The following AGMO variants were observed in gnomAD, a reference collection of about 807,000 sequenced individuals.
The protein encoded by AGMO is alkylglycerol monooxygenase.
A neutral mutation model predicts 60.2 loss-of-function variants in AGMO; 75 were observed. The observed-to-expected ratio is 1.25, with a 90% CI of 1.03 to 1.51. AGMO has a LOEUF of 1.51. AGMO is among the 40% of genes most tolerant of loss of function. The pLI is 0.00. For missense variants in AGMO, 763 were observed against 525.5 expected, an observed-to-expected ratio of 1.45 and a Z score of -4.42; for synonymous variants, 261 against 177.1, an observed-to-expected ratio of 1.47 and a Z score of -3.76.
chr7:15,235,481 CAG>C (rs1782389920), intron 12 of AGMO, among the ~76,000 whole-genome samples: 1 of 152,186 alleles, frequency 6.6e-6, no homozygotes, highest in East Asian at 1.9e-4. Flanking sequence ...AAGTTTGATT[CAG>C]AGTATTATAA....
the AGMO span, among the ~76,000 whole-genome samples, chr7:15,136,619 A>T: frequency 9.9e-5 from 15 of 152,048 alleles, no homozygotes; most frequent in African/African-American, 3.6e-4. Context: ...TGAAAATTGA[A>T]GTTTTCTGCA....
chr7:15,316,130 C>T (rs1398959531), intron 12 of AGMO, among the ~76,000 whole-genome samples: 1 of 152,154 alleles, frequency 6.6e-6, no homozygotes, highest in Admixed American at 6.5e-5. Context: ...GAAGTCCCAA[C>T]ACTTGTGCCC....
intron 3 of AGMO, 33 bp from the exon 4 acceptor site, chr7:15,431,141 G>A (rs1264009200): frequency 2.0e-6 from 3 of 1,514,488 alleles, no homozygotes; most frequent in Non-Finnish European, 2.7e-6. Context: ...TGAGCCATGA[G>A]AATAAGAACA....
chr7:15,331,261 T>C (rs942158030), intron 12 of AGMO, among the ~76,000 whole-genome samples: 3 of 152,192 alleles, frequency 2.0e-5, no homozygotes, highest in African/African-American at 7.2e-5. Context: ...TAAGCCCTTT[T>C]TGAATTCCTA....
At chr7:15,399,196 G>A (rs115849702) in intron 5 of AGMO, among the ~76,000 whole-genome samples, 146 of 152,232 alleles carry the variant, frequency 9.6e-4, no homozygotes, top group Non-Finnish European at 1.7e-3. Flanking sequence ...AACTATGGAT[G>A]CCTAGAAGGG....
chr7:15,247,896 T>C (rs2128505302), intron 12 of AGMO, among the ~76,000 whole-genome samples: 1 of 151,300 alleles, frequency 6.6e-6, no homozygotes, highest in Admixed American at 6.6e-5. Context: ...GATAGAAGAG[T>C]GCATAAAGTA....
chr7:15,387,562 C>G (rs1258172581), intron 8 of AGMO, 22 bp from the exon 9 acceptor site: 1 of 1,579,782 alleles, frequency 6.3e-7, no homozygotes. Flanking sequence ...AAAAAAAGAG[C>G]TTATTTCACA....
intron 12 of AGMO, among the ~76,000 whole-genome samples, chr7:15,349,484 TTCCC>T (rs1782154930): frequency 1.3e-5 from 2 of 152,116 alleles, no homozygotes; most frequent in Non-Finnish European, 2.9e-5. Context: ...AGATTCACTA[TTCCC>T]TCCGTTTTGT....
chr7:15,142,091 G>C, the AGMO span, among the ~76,000 whole-genome samples: 3 of 152,018 alleles, frequency 2.0e-5, no homozygotes, highest in African/African-American at 7.2e-5. Context: ...TATCAAGGTC[G>C]AGATCTGTCA....
chr7:15,144,755 G>C, the AGMO span, among the ~76,000 whole-genome samples: 2 of 152,166 alleles, frequency 1.3e-5, no homozygotes, highest in African/African-American at 4.8e-5. Context: ...ATACATACTG[G>C]TGTTAGGAAT....
At chr7:15,397,682 T>C (rs1265250184) in intron 5 of AGMO, among the ~76,000 whole-genome samples, 1 of 152,252 alleles carries the variant, frequency 6.6e-6, no homozygotes, top group Non-Finnish European at 1.5e-5. Context: ...TTTAAAGTTA[T>C]TTCCATGAGA....
chr7:15,371,797 A>C (rs1783228690), intron 10 of AGMO, among the ~76,000 whole-genome samples: 1 of 152,068 alleles, frequency 6.6e-6, no homozygotes, highest in African/African-American at 2.4e-5. Flanking sequence ...TCAGCCTCCC[A>C]ATGTACTGGG....
Position 15,322,103 on chromosome 7 carries a change from C to G in AGMO, c.1263+43411G>C, listed in dbSNP as rs1384089669. On this transcript the variant is annotated intron_variant, in intron 12 of 12. Transcript: ENST00000342526. ...GCAGAATTGCTTGAGCCCAGGAATT[C>G]AAGTTCAGCCTGGGCAACATAATGA... Among the ~76,000 whole-genome samples, 3 of 151,796 alleles carry G rather than the reference C, an allele frequency of 2.0e-5. No homozygotes were observed. The East Asian group carries it at 5.8e-4, about 29-fold the overall frequency.
intron 3 of AGMO, among the ~76,000 whole-genome samples, chr7:15,496,099 A>G (rs1331971578): frequency 1.3e-5 from 2 of 152,148 alleles, no homozygotes; most frequent in East Asian, 1.9e-4. Context: ...AGTCTTGGAT[A>G]TAGATTTGCA....
At chr7:15,351,138 T>C (rs1343855240) in intron 12 of AGMO, among the ~76,000 whole-genome samples, 3 of 152,136 alleles carry the variant, frequency 2.0e-5, no homozygotes, top group Admixed American at 6.5e-5. Context: ...TACTTAGTTA[T>C]AGCAGGTAGT....
At chr7:15,283,067 C>G (rs1784011105) in intron 12 of AGMO, among the ~76,000 whole-genome samples, 2 of 152,048 alleles carry the variant, frequency 1.3e-5, no homozygotes, top group African/African-American at 2.4e-5. Flanking sequence ...TAGACCAGCC[C>G]TACAAGAAAT....
At chr7:15,183,924 C>T in the AGMO span, among the ~76,000 whole-genome samples, 1 of 152,232 alleles carries the variant, frequency 6.6e-6, no homozygotes, top group South Asian at 2.1e-4. Context: ...TGATAATTGT[C>T]CCTTCCCAAG....
intron 12 of AGMO, among the ~76,000 whole-genome samples, chr7:15,346,181 A>G (rs1300525697): frequency 2.0e-5 from 3 of 152,142 alleles, no homozygotes; most frequent in Non-Finnish European, 4.4e-5. Context: ...GGCATCTCAA[A>G]CTGCATATAC....
chr7:15,420,138 T>C (rs1780887629), intron 4 of AGMO, among the ~76,000 whole-genome samples: 1 of 152,146 alleles, frequency 6.6e-6, no homozygotes, highest in East Asian at 1.9e-4. Flanking sequence ...TAGTTCATTA[T>C]AATTTCCCAA....
Sources: gnomAD v4.1 joint callset for allele counts (sites outside exome capture counted in the v4.1 genomes callset) on GRCh38, gnomAD v4.1.1 for gene constraint, MANE v1.5 for transcripts, NCBI Gene and HGNC (gene_info 2026-07-23, HGNC 2026-07-21) for gene names.